The following NRG1 variants were observed in gnomAD, a reference collection of about 807,000 sequenced individuals.
NRG1 encodes the protein pro-neuregulin-1, membrane-bound isoform.
Under a neutral mutation model 63.8 loss-of-function variants are expected in NRG1, and 18 were observed. The observed-to-expected ratio is 0.28, with a 90% CI of 0.19 to 0.42. NRG1 has a LOEUF of 0.42. Ranked by LOEUF, NRG1 falls within the 10% of genes least tolerant of loss-of-function variation. The pLI is 1.00. For synonymous variants in NRG1, 302 were observed against 301.3 expected, an observed-to-expected ratio of 1.00 and a Z score of -0.02; for missense variants, 762 against 814.7, an observed-to-expected ratio of 0.94 and a Z score of 0.79.
intron 1 of NRG1, among the ~76,000 whole-genome samples, chr8:31,718,891 A>G (rs1046318456): frequency 6.6e-6 from 1 of 152,242 alleles, no homozygotes; most frequent in Non-Finnish European, 1.5e-5. Context: ...TAGTAAGTGT[A>G]GACAACACTA....
At chr8:31,809,426 T>A (rs1414734363) in intron 1 of NRG1, among the ~76,000 whole-genome samples, 1 of 148,082 alleles carries the variant, frequency 6.8e-6, no homozygotes, top group Non-Finnish European at 1.5e-5. Context: ...ACTTTTTATG[T>A]CTTATTAGAC....
At chr8:32,256,320 G>A (rs570148419) in intron 1 of NRG1, among the ~76,000 whole-genome samples, 26 of 152,130 alleles carry the variant, frequency 1.7e-4, no homozygotes, top group Non-Finnish European at 1.6e-4. Flanking sequence ...TCATCTGTGT[G>A]GATTTATCTA....
intron 1 of NRG1, among the ~76,000 whole-genome samples, chr8:32,184,677 A>G (rs1408716219): frequency 1.3e-5 from 2 of 152,132 alleles, no homozygotes; most frequent in South Asian, 4.1e-4. Context: ...TAAAAGAAAT[A>G]TACTTGTTTT....
chr8:32,258,321 A>G (rs939088645), intron 1 of NRG1, among the ~76,000 whole-genome samples: 6 of 152,206 alleles, frequency 3.9e-5, no homozygotes, highest in African/African-American at 1.4e-4. Context: ...AACAATGATA[A>G]CAGCTGATCT....
At chr8:31,781,516 A>G (rs1317818129) in intron 1 of NRG1, among the ~76,000 whole-genome samples, 1 of 152,190 alleles carries the variant, frequency 6.6e-6, no homozygotes, top group Non-Finnish European at 1.5e-5. Context: ...ACGTGTACAT[A>G]TAATATTAAG....
At chr8:31,955,401 A>G (rs1175199427) in intron 1 of NRG1, among the ~76,000 whole-genome samples, 1 of 152,214 alleles carries the variant, frequency 6.6e-6, no homozygotes, top group Non-Finnish European at 1.5e-5. Context: ...TAGAAAAGTG[A>G]ATGTACAGTT....
intron 1 of NRG1, among the ~76,000 whole-genome samples, chr8:32,326,499 A>G (rs184160874): frequency 1.6e-4 from 24 of 151,678 alleles, no homozygotes; most frequent in Admixed American, 1.4e-3. Flanking sequence ...TAATTTTTGT[A>G]TTTTTTGTAG....
chr8:31,905,223 G>A (rs1000953683), intron 1 of NRG1, among the ~76,000 whole-genome samples: 1 of 152,088 alleles, frequency 6.6e-6, no homozygotes. Context: ...TTCCTCTGAA[G>A]CCTTCCAGTA....
At chr8:31,807,975 G>GTA (rs528457627) in intron 1 of NRG1, among the ~76,000 whole-genome samples, 5 of 143,856 alleles carry the variant, frequency 3.5e-5, no homozygotes, top group Non-Finnish European at 6.1e-5. Flanking sequence ...GTGTGTGTGT[G>GTA]TATCACATTT....
chr8:32,505,074 T>G (rs1828360385), intron 1 of NRG1, among the ~76,000 whole-genome samples: 1 of 152,152 alleles, frequency 6.6e-6, no homozygotes, highest in Non-Finnish European at 1.5e-5. Context: ...AAAGGGAGTT[T>G]TCGGGCATTT....
At chr8:31,963,878 A>G (rs1805883862) in intron 1 of NRG1, among the ~76,000 whole-genome samples, 1 of 152,150 alleles carries the variant, frequency 6.6e-6, no homozygotes, top group African/African-American at 2.4e-5. Flanking sequence ...ATGCCATTTT[A>G]ATAGGTGAAT....
intron 1 of NRG1, among the ~76,000 whole-genome samples, chr8:31,957,315 T>C (rs1259971262): frequency 6.6e-6 from 1 of 152,080 alleles, no homozygotes; most frequent in Non-Finnish European, 1.5e-5. Context: ...TGCTTTCATA[T>C]AGTTACCTGT....
chr8:32,270,087 G>A (rs1488859812), intron 1 of NRG1, among the ~76,000 whole-genome samples: 3 of 152,204 alleles, frequency 2.0e-5, no homozygotes, highest in Non-Finnish European at 4.4e-5. Context: ...CCATCATTAT[G>A]TTAAATGCCA....
chr8:31,929,882 C>G (rs937676497), intron 1 of NRG1, among the ~76,000 whole-genome samples: 1 of 152,154 alleles, frequency 6.6e-6, no homozygotes, highest in Non-Finnish European at 1.5e-5. Flanking sequence ...GGAAGATAGG[C>G]TTCTCATACA....
intron 6 of NRG1, among the ~76,000 whole-genome samples, chr8:32,729,699 T>C (rs1823151644): frequency 6.6e-6 from 1 of 152,186 alleles, no homozygotes; most frequent in Non-Finnish European, 1.5e-5. Flanking sequence ...GTGCCAATTC[T>C]AATAAAATCT....
chr8:32,313,938 T>A (rs758396525), intron 1 of NRG1, among the ~76,000 whole-genome samples: 4 of 152,186 alleles, frequency 2.6e-5, no homozygotes, highest in Non-Finnish European at 5.9e-5. Flanking sequence ...AAAATACAAA[T>A]GTTTTACATT....
chr8:31,797,246 T>C (rs1019418301), intron 1 of NRG1, among the ~76,000 whole-genome samples: 15 of 152,212 alleles, frequency 9.9e-5, no homozygotes, highest in African/African-American at 3.6e-4. Flanking sequence ...ACTAAGAGCA[T>C]TGGAGGATAA....
intron 1 of NRG1, among the ~76,000 whole-genome samples, chr8:32,316,572 C>T (rs557925094): frequency 8.6e-5 from 13 of 152,008 alleles, no homozygotes; most frequent in African/African-American, 2.4e-4. Context: ...TTCTCTCTCT[C>T]GTTTTGAACT....
intron 1 of NRG1, among the ~76,000 whole-genome samples, chr8:32,551,199 T>G (rs1834033867): frequency 6.6e-6 from 1 of 152,180 alleles, no homozygotes; most frequent in Non-Finnish European, 1.5e-5. Flanking sequence ...GTTTCAGGCA[T>G]TCCCAAAGGA....
Sources: gnomAD v4.1 joint callset for allele counts (sites outside exome capture counted in the v4.1 genomes callset) on GRCh38, gnomAD v4.1.1 for gene constraint, MANE v1.5 for transcripts, NCBI Gene and HGNC (gene_info 2026-07-23, HGNC 2026-07-21) for gene names.